The following LTK variants were observed in gnomAD, a reference collection of about 807,000 sequenced individuals.
LTK encodes the protein leukocyte receptor tyrosine kinase, also known as leukocyte tyrosine kinase receptor.
Under a neutral mutation model 101.5 loss-of-function variants are expected in LTK, and 117 were observed. That is an observed-to-expected ratio of 1.15 (90% CI 0.99 to 1.34). The LOEUF (loss-of-function observed/expected upper bound fraction) is 1.34, where lower values mean the gene tolerates loss of function less well. LTK is among the 40% of genes most tolerant of loss of function. LTK has a pLI of 0.00. For missense variants in LTK, 1,252 were observed against 1,164.7 expected (o/e 1.07, Z -1.09); for synonymous variants, 563 against 494.2 (o/e 1.14, Z -1.85).
At chr15:41,508,314 A>T (rs2051351554) in intron 8 of LTK, 93 bp from the exon 9 acceptor site, 2 of 1,107,934 alleles carry the variant, frequency 1.8e-6, no homozygotes, top group Non-Finnish European at 2.5e-6. Context: ...CACGCCTATA[A>T]TCATTGCACT....
Position 41,513,654 on chromosome 15 carries a change from A to C in LTK, c.43+13T>G. 2 of 1,613,028 alleles carry C rather than the reference A, an allele frequency of 1.2e-6. No homozygotes were observed. ...CAGGCTGGACGGTCCCCTGACCGCC[A>C]GATAGCACTTACCCGCGGCTCCGAA... On this transcript the variant is annotated intron_variant, in intron 1 of 19. Coordinates refer to ENST00000263800, the MANE Select transcript of LTK (RefSeq NM_002344.6).
rs113592434 is a variant in LTK, at chr15:41,505,609, C to T, written c.1698-79G>A. 5.1e-4 allele frequency: 819 copies of T among 1,604,730 alleles called. 4 individuals carry two copies. Among genetic ancestry groups the T allele is most frequent in the African/African-American group, 3.1e-3 (233 of 74,896 alleles). On this transcript the variant is annotated intron_variant, in intron 13 of 19. Transcript: ENST00000263800. ...TTTAGGCTCCACAAAGCTGGAGAGG[C>T]CCTCTGTGTCCCCTGACTTGCTACC...
intron 2 of LTK, 46 bp downstream of exon 2, chr15:41,512,931 G>T (rs765689527): frequency 1.2e-6 from 2 of 1,611,764 alleles, no homozygotes; most frequent in Non-Finnish European, 1.7e-6. Context: ...GGGCCAGAGG[G>T]GTCTGGTATG....
At position 41,504,187 on chromosome 15, in the gene LTK, C is replaced by T; in HGVS notation, c.2404G>A (p.Glu802Lys). The change falls in exon 20 of 20, where the codon GAA (glutamate) becomes AAA (lysine). Residue 802 changes from glutamate to lysine, a missense_variant. By Grantham distance (56) the Glu-to-Lys change is moderately conservative. Transcript: ENST00000263800. ...CTGTTCCCCAGCCCAGAAGTCCCTT[C>T]CTCCTCTGGGGTGGGCCCCAGCTCC... ...PMELGPTPEE[E>K]GTSGLGNRSL... 1 of 1,613,518 alleles carries T rather than the reference C, an allele frequency of 6.2e-7. No homozygotes were observed. The highest frequency in any genetic ancestry group is 8.5e-7 in the Non-Finnish European group (1 of 1,179,678).
chr15:41,509,440 G>A (rs2051385475), intron 7 of LTK, among the ~76,000 whole-genome samples: 1 of 152,182 alleles, frequency 6.6e-6, no homozygotes, highest in South Asian at 2.1e-4. Flanking sequence ...CAGGCACAAA[G>A]GCATTTACAC....
At position 41,503,947 on chromosome 15, in the gene LTK, G is replaced by A. The variant is rs766484377; in HGVS notation, c.*49C>T. On this transcript the variant is annotated 3_prime_UTR_variant, in exon 20 of 20. Transcript: ENST00000263800. ...GCCACCCAGGAGCCTGAGGAGTATAGGGAGGGACCCTCAGTGCCTCAGTCC... is the reference window on the plus strand; with the variant it reads ...GCCACCCAGGAGCCTGAGGAGTATAAGGAGGGACCCTCAGTGCCTCAGTCC... 3 of 1,538,020 alleles carry A rather than the reference G, an allele frequency of 2.0e-6. No homozygotes were observed. Among genetic ancestry groups the A allele is most frequent in the Non-Finnish European group, 2.6e-6 (3 of 1,146,350 alleles).
rs377404643 is a variant in LTK at position 41,504,978 on chromosome 15, A to G, written c.2012T>C (p.Ile671Thr). The G allele has an allele frequency of 5.6e-5, 90 of 1,610,952 alleles. No homozygotes were observed. The highest frequency in any genetic ancestry group is 6.8e-5 in the Non-Finnish European group (80 of 1,178,472). The change falls in exon 16 of 20, where the codon ATC becomes ACC. Residue 671 changes from isoleucine (I) to threonine (T), a missense_variant. Ile to Thr is a moderately conservative substitution (Grantham distance 89, BLOSUM62 -1). Transcript: ENST00000263800. ...CACCTCCCAAGTCCCGCACCGGTAG[A>G]TATCTCGTGCCATCCCAAAGTCCCC... is the stretch of plus-strand genomic sequence containing the variant. ...KIGDFGMARD[I>T]YRASYYRRGD...
intron 8 of LTK, 162 bp from the exon 9 acceptor site, chr15:41,508,383 A>G (rs922756208): frequency 6.3e-6 from 3 of 479,348 alleles, no homozygotes; most frequent in Non-Finnish European, 1.0e-5. Flanking sequence ...AGCCTGGCCA[A>G]CCCCGCCTCT....
chr15:41,512,699 G>A lies in LTK; in HGVS notation c.359+8C>T. On this transcript the variant is annotated splice_region_variant and intron_variant, in intron 3 of 19. Transcript: ENST00000263800. ...TCACTGTCCACCCTACCTCCGCCGT[G>A]CACTTACAGATACTGGCCAGGGCCC... is the stretch of plus-strand genomic sequence containing the variant. The A allele has an allele frequency of 6.4e-7, 1 of 1,562,888 alleles. No individual in the cohort carries two copies. The highest frequency in any genetic ancestry group is 2.1e-4 in the Middle Eastern group (1 of 4,846).
At position 41,504,005 on chromosome 15, in the gene LTK, A is replaced by G. The variant is rs542041373; in HGVS notation, c.2586T>C (p.Tyr862=). Residue 862 remains tyrosine, a synonymous_variant, in exon 20 of 20, where the codon TAT becomes TAC. Transcript: ENST00000263800. ...LQPQNLWNPT[Y]RS ...CAGGGCCCCTTGGGGCTCAGGAGCG[A>G]TAAGTGGGATTCCAAAGGTTCTGAG... 141 of 1,604,472 alleles carry G rather than the reference A, an allele frequency of 8.8e-5. 1 individual carries two copies. Among genetic ancestry groups the G allele is most frequent in the South Asian group, 7.2e-4 (65 of 90,296 alleles).
In LTK at chr15:41,507,358, G is replaced by A. The variant is rs75635968; in HGVS notation, c.1346-68C>T. On this transcript the variant is annotated intron_variant, in intron 10 of 19. Transcript: ENST00000263800. ...CAACTCTCCCTCCCCCACCTGCCCA[G>A]GACACCCCTCCAGATGCTCATTAAG... The A allele has an allele frequency of 1.6e-3, 2,352 of 1,485,712 alleles. 27 individuals carry two copies. In the African/African-American group the frequency reaches 0.029, roughly 18 times the overall value. 92.0% of individuals were successfully genotyped at this position (1,485,712 alleles called of 1,614,324 possible).
intron 19 of LTK, 41 bp downstream of exon 19, chr15:41,504,301 G>A (rs1402500225): frequency 1.2e-6 from 2 of 1,612,348 alleles, no homozygotes; most frequent in Admixed American, 1.7e-5. Flanking sequence ...CCTCCCTCCT[G>A]ACCCACAAGA....
At position 41,503,830 on chromosome 15, in the gene LTK, A is replaced by T. The variant is rs1361250828; in HGVS notation, c.*166T>A. Reference sequence around the variant, plus strand: ...CCCTGGGAGGCCTGGGCTGGTTTCCAGCATGGCAAGTGCAGCGCTGCCAGG... The same window carrying T: ...CCCTGGGAGGCCTGGGCTGGTTTCCTGCATGGCAAGTGCAGCGCTGCCAGG... On this transcript the variant is annotated 3_prime_UTR_variant, in exon 20 of 20. Transcript: ENST00000263800. 2 of 844,630 alleles carry T rather than the reference A, an allele frequency of 2.4e-6. No individual in the cohort carries two copies. Among genetic ancestry groups the T allele is most frequent in the African/African-American group, 3.4e-5 (2 of 58,360 alleles). 52.3% of individuals were successfully genotyped at this position (844,630 alleles called of 1,614,324 possible). A position where few individuals can be genotyped will look rare whatever the true frequency, so the allele number is the denominator to read the frequency against.
chr15:41,513,817 AGGGGTGTGCTGCCGCT>A (rs1834408995), exon 1 of LTK: 1 of 980,710 alleles, frequency 1.0e-6, no homozygotes, highest in Admixed American at 1.8e-5. Context: ...CACCACTTAC[AGGGGTGTGCTGCCGCT>A]GGCGAGACAC....
chr15:41,505,982 C>T lies in LTK; in HGVS notation c.1565G>A (p.Gly522Glu), dbSNP rs2051267538. 6.2e-7 allele frequency: 1 copy of T among 1,613,794 alleles called. No individual in the cohort carries two copies. The highest frequency in any genetic ancestry group is 1.3e-5 in the African/African-American group (1 of 74,914). Residue 522 changes from glycine (G) to glutamate (E), a missense_variant, in exon 12 of 20, where the codon GGG (glycine) becomes GAG (glutamate). Coordinates refer to ENST00000263800, the MANE Select transcript of LTK (RefSeq NM_002344.6). ...AATTACCAGTCCCTCATACACCTCC[C>T]CAAAGGCACCATGGCCCAGGGCTCT... ...LLRALGHGAF[G>E]EVYEGLVIGL...
intron 19 of LTK, 29 bp from the exon 20 acceptor site, chr15:41,504,273 G>A (rs745713574): frequency 5.0e-6 from 8 of 1,608,568 alleles, no homozygotes; most frequent in Admixed American, 3.3e-5. Flanking sequence ...GGAGCAGGGG[G>A]GCATAGAGTT....
rs765502398 is a variant in LTK, at chr15:41,505,378, G to GC, written c.1827+22_1827+23insG. The GC allele has an allele frequency of 3.1e-6, 5 of 1,613,588 alleles. No individual in the cohort carries two copies. In the South Asian group the frequency reaches 3.3e-5, roughly 11 times the overall value. On this transcript the variant is annotated intron_variant, in intron 14 of 19. Transcript: ENST00000263800. The stretch of plus-strand genomic sequence containing the variant: ...GGACAGGGTCTTTAGAGGGGCCTGG[G>GC]GGGGCTAAGACAAGGGTCTCACCAG...
In LTK at chr15:41,508,186, G is replaced by A. The variant is rs1346677262; in HGVS notation, c.1132C>T (p.His378Tyr). The change falls in exon 9 of 20, where the codon CAC becomes TAC. Residue 378 changes from histidine (H) to tyrosine (Y), a missense_variant. Transcript: ENST00000263800. ...ENHGEVEIRR[H>Y]LNCSHCPLRD... ...AAAGGGCAGTGACTGCAGTTGAGGTGCCTTCGGATCTCTACCTCTCCGTGG... is the reference window on the plus strand; with the variant it reads ...AAAGGGCAGTGACTGCAGTTGAGGTACCTTCGGATCTCTACCTCTCCGTGG... 5 of 1,613,226 alleles carry A rather than the reference G, an allele frequency of 3.1e-6. No homozygotes were observed. Among genetic ancestry groups the A allele is most frequent in the Non-Finnish European group, 4.2e-6 (5 of 1,179,728 alleles).
Position 41,503,999 on chromosome 15 carries a change from G to T in LTK, c.2592C>A (p.Ser864=). The T allele has an allele frequency of 6.2e-7, 1 of 1,600,806 alleles. No individual in the cohort carries two copies. The highest frequency in any genetic ancestry group is 1.1e-5 in the South Asian group (1 of 89,858). ...TACCCTCAGGGCCCCTTGGGGCTCA[G>T]GAGCGATAAGTGGGATTCCAAAGGT... is the stretch of plus-strand genomic sequence containing the variant. The part of the protein sequence containing the change: ...PQNLWNPTYR[S] Residue 864 remains serine (S), a synonymous_variant, in exon 20 of 20, where the codon TCC becomes TCA. Transcript: ENST00000263800.
Sources: gnomAD v4.1 joint callset for allele counts (sites outside exome capture counted in the v4.1 genomes callset) on GRCh38, gnomAD v4.1.1 for gene constraint, MANE v1.5 for transcripts, NCBI Gene and HGNC (gene_info 2026-07-23, HGNC 2026-07-21) for gene names.